MRPL46: variants seen among roughly 807,000 people sequenced by gnomAD.
MRPL46 encodes large ribosomal subunit protein mL46.
Under a neutral mutation model 31.0 loss-of-function variants are expected in MRPL46, and 26 were observed. That is an observed-to-expected ratio of 0.84 (90% confidence interval 0.61 to 1.16). MRPL46 has a LOEUF of 1.16. Ranked by LOEUF, MRPL46 falls within the 50% of genes most tolerant of loss-of-function variation. MRPL46 has a pLI of 0.00. For synonymous variants in MRPL46, 159 were observed against 141.3 expected (o/e 1.13, Z -0.89); for missense variants, 395 against 340.0 (o/e 1.16, Z -1.27).
chr15:88,464,919 G>A, intron 2 of MRPL46, 43 bp from the exon 3 acceptor site: 4 of 1,570,898 alleles, frequency 2.5e-6, no homozygotes, highest in Non-Finnish European at 3.5e-6. Context: ...ACTGTGATCT[G>A]CCAGAACCAA....
intron 3 of MRPL46, chr15:88,462,793 C>T (rs763649140): frequency 3.9e-5 from 6 of 152,234 alleles, no homozygotes; most frequent in African/African-American, 1.4e-4. Context: ...TATACTCTTA[C>T]ATTGCTTGAG....
At chr15:88,460,008 T>TAGG in intron 3 of MRPL46, 145 bp from the exon 4 acceptor site, 1 of 1,015,266 alleles carries the variant, frequency 9.8e-7, no homozygotes, top group African/African-American at 1.6e-5. Context: ...GAGCCATTCC[T>TAGG]GAAAAGAGGC....
chr15:88,466,039 T>C (rs2055527348), intron 1 of MRPL46, among the ~76,000 whole-genome samples: 1 of 152,174 alleles, frequency 6.6e-6, no homozygotes. Flanking sequence ...GAGAGCTGGG[T>C]TGGGCAATGC....
rs1309535898 is a variant in MRPL46, at chr15:88,467,347, C to T, written c.31G>A (p.Gly11Arg). Residue 11 changes from glycine (G) to arginine (R), a missense_variant, in exon 1 of 4, where the codon GGG becomes AGG. By Grantham distance (125) the Gly-to-Arg change is moderately radical (BLOSUM62 -2). Transcript: ENST00000312475. Reference sequence around the variant, plus strand: ...AACCGCCGCCAACCCCCCGCCACCCCTAACAGCGTCCGCCTTACGGGCGCC... The same window carrying T: ...AACCGCCGCCAACCCCCCGCCACCCTTAACAGCGTCCGCCTTACGGGCGCC... MAAPVRRTLLGVAGGWRRFER... is the reference protein window; with the variant it reads MAAPVRRTLLRVAGGWRRFER... The T allele has an allele frequency of 5.6e-6, 9 of 1,596,518 alleles. No homozygotes were observed. The highest frequency in any genetic ancestry group is 1.1e-5 in the South Asian group (1 of 89,108).
At position 88,467,205 on chromosome 15, in the gene MRPL46, A is replaced by C. The variant is rs762357124; in HGVS notation, c.173T>G (p.Val58Gly). Residue 58 changes from valine (V) to glycine (G), a missense_variant, in exon 1 of 4, where the codon GTA becomes GGA. Val to Gly is a moderately radical substitution (Grantham distance 109). Coordinates refer to ENST00000312475, the MANE Select transcript of MRPL46 (RefSeq NM_022163.4). ...LGALCLQRPP[V>G]VSKPLTPLQE... ...CAATGGGGTCAACGGCTTGGAGACT[A>C]CAGGTGGCCGCTGCAGGCACAACGC... is the stretch of plus-strand genomic sequence containing the variant. The C allele has an allele frequency of 6.2e-7, 1 of 1,614,018 alleles. No homozygotes were observed. The highest frequency in any genetic ancestry group is 1.3e-5 in the African/African-American group (1 of 74,944).
At position 88,464,841 on chromosome 15, in the gene MRPL46, T is replaced by C; in HGVS notation, c.451A>G (p.Arg151Gly). The change falls in exon 3 of 4, where the codon AGG becomes GGG. Residue 151 changes from arginine to glycine, a missense_variant. Physicochemically the swap from Arg to Gly is moderately radical, Grantham distance 125 (BLOSUM62 -2). Coordinates refer to ENST00000312475, the MANE Select transcript of MRPL46 (RefSeq NM_022163.4). ...DEKNDRTSLN[R>G]KLDRNLVLLV... Reference sequence around the variant, plus strand: ...AGGACAAGGTTCCTGTCTAGCTTCCTGTTCAGGGATGTTCGGTCATTCTTT... The same window carrying C: ...AGGACAAGGTTCCTGTCTAGCTTCCCGTTCAGGGATGTTCGGTCATTCTTT... 4.3e-6 allele frequency: 7 copies of C among 1,614,018 alleles called. No individual in the cohort carries two copies. The highest frequency in any genetic ancestry group is 5.9e-6 in the Non-Finnish European group (7 of 1,179,992).
chr15:88,460,207 ATGCTGGCGAATCAGCCCAGTCGCTATC>A (rs2055465165), intron 3 of MRPL46: 4 of 242,688 alleles, frequency 1.6e-5, no homozygotes, highest in South Asian at 1.1e-4. Flanking sequence ...CCCAGTCGCT[ATGCTGGCGAATCAGCCCAGTCGCTATC>A]TGCTGGCGAA....
At position 88,459,852 on chromosome 15, in the gene MRPL46, C is replaced by T. The variant is rs2055461322; in HGVS notation, c.601G>A (p.Glu201Lys). Residue 201 changes from glutamate to lysine, a missense_variant, in exon 4 of 4, where the codon GAA becomes AAA. Glu to Lys is a moderately conservative substitution (Grantham distance 56). Transcript: ENST00000312475. ...GGTGCATTTCCTAGGAACTTGGCTTCCATGTTGTTTTCTGAAGAGGGAGGA... is the reference window on the plus strand; with the variant it reads ...GGTGCATTTCCTAGGAACTTGGCTTTCATGTTGTTTTCTGAAGAGGGAGGA... The part of the protein sequence containing the change: ...TLATLSENNM[E>K]AKFLGNAPCG... 1 of 1,614,024 alleles carries T rather than the reference C, an allele frequency of 6.2e-7. No individual in the cohort carries two copies. The highest frequency in any genetic ancestry group is 8.5e-7 in the Non-Finnish European group (1 of 1,179,944).
chr15:88,462,927 C>T (rs931101721), intron 3 of MRPL46: 4 of 152,176 alleles, frequency 2.6e-5, no homozygotes, highest in African/African-American at 9.7e-5. Flanking sequence ...TTTCCTTTTA[C>T]ATTTACTTAT....
At position 88,459,826 on chromosome 15, in the gene MRPL46, G is replaced by A. The variant is rs1441353588; in HGVS notation, c.627C>T (p.Pro209=). The A allele has an allele frequency of 6.2e-7, 1 of 1,614,088 alleles. No individual in the cohort carries two copies. Among genetic ancestry groups the A allele is most frequent in the Non-Finnish European group, 8.5e-7 (1 of 1,180,040 alleles). Reference sequence around the variant, plus strand: ...GGAACTTGAATGTGTAGTGCCCACAGGGTGCATTTCCTAGGAACTTGGCTT... The same window carrying A: ...GGAACTTGAATGTGTAGTGCCCACAAGGTGCATTTCCTAGGAACTTGGCTT... ...NMEAKFLGNA[P]CGHYTFKFPQ... The change falls in exon 4 of 4, where the codon CCC becomes CCT. Residue 209 remains proline (P), a synonymous_variant. Transcript: ENST00000312475.
intron 1 of MRPL46, among the ~76,000 whole-genome samples, chr15:88,466,906 C>T (rs2055543895): frequency 6.6e-6 from 1 of 152,238 alleles, no homozygotes; most frequent in Non-Finnish European, 1.5e-5. Context: ...TTGTTCACCA[C>T]AGGATCCCTA....
At chr15:88,465,825 G>GAA in intron 1 of MRPL46, 52 bp from the exon 2 acceptor site, 50 of 1,304,242 alleles carry the variant, frequency 3.8e-5, no homozygotes, top group South Asian at 1.2e-4. Flanking sequence ...AAATTAAAAG[G>GAA]AAAAAAAAAA....
Position 88,464,812 on chromosome 15 carries a change from T to C in MRPL46, c.480A>G (p.Leu160=), listed in dbSNP as rs1468531861. 1.9e-6 allele frequency: 3 copies of C among 1,614,178 alleles called. No homozygotes were observed. ...NRKLDRNLVL[L]VREKFGDQDV... The stretch of plus-strand genomic sequence containing the variant: ...CCTGGTCTCCAAACTTCTCTCTGAC[T>C]AACAGGACAAGGTTCCTGTCTAGCT... Residue 160 remains leucine, a synonymous_variant, in exon 3 of 4, where the codon TTA becomes TTG. Coordinates refer to ENST00000312475, the MANE Select transcript of MRPL46 (RefSeq NM_022163.4).
chr15:88,459,665 T>G lies in MRPL46; in HGVS notation c.788A>C (p.Tyr263Ser). The G allele has an allele frequency of 1.2e-6, 2 of 1,614,216 alleles. No homozygotes were observed. Among genetic ancestry groups the G allele is most frequent in the South Asian group, 1.1e-5 (1 of 91,080 alleles). ...VWVTKDELGD[Y>S]LKPKYLAQVR... ...TTGGGCCAGGTATTTTGGTTTCAAA[T>G]AGTCACCCAGCTCATCCTTAGTGAC... Residue 263 changes from tyrosine (Y) to serine (S), a missense_variant, in exon 4 of 4, where the codon TAT becomes TCT. By Grantham distance (144) the Tyr-to-Ser change is moderately radical. Transcript: ENST00000312475.
chr15:88,459,712 C>T lies in MRPL46; in HGVS notation c.741G>A (p.Gly247=). Residue 247 remains glycine, a synonymous_variant, in exon 4 of 4, where the codon GGG becomes GGA. Coordinates refer to ENST00000312475, the MANE Select transcript of MRPL46 (RefSeq NM_022163.4). ...LLLTGDFSQA[G]NKGHHVWVTK... ...TGACCCACACATGATGGCCCTTATT[C>T]CCAGCCTGGGAAAAGTCTCCAGTTA... 1 of 1,614,152 alleles carries T rather than the reference C, an allele frequency of 6.2e-7. No homozygotes were observed. Among genetic ancestry groups the T allele is most frequent in the East Asian group, 2.2e-5 (1 of 44,876 alleles).
At chr15:88,462,018 G>A (rs1039727963) in intron 3 of MRPL46, 1 of 152,200 alleles carries the variant, frequency 6.6e-6, no homozygotes, top group African/African-American at 2.4e-5. Context: ...ATCTGTATAT[G>A]CATAGAGAAT....
rs1162300744 is a variant in MRPL46 at position 88,464,824 on chromosome 15, G to A, written c.468C>T (p.Asn156=). Residue 156 remains asparagine (N), a synonymous_variant, in exon 3 of 4, where the codon AAC becomes AAT. Coordinates refer to ENST00000312475, the MANE Select transcript of MRPL46 (RefSeq NM_022163.4). ...ACTTCTCTCTGACTAACAGGACAAG[G>A]TTCCTGTCTAGCTTCCTGTTCAGGG... The part of the protein sequence containing the change: ...RTSLNRKLDR[N]LVLLVREKFG... The A allele has an allele frequency of 6.2e-7, 1 of 1,614,140 alleles. No individual in the cohort carries two copies. The highest frequency in any genetic ancestry group is 8.5e-7 in the Non-Finnish European group (1 of 1,180,014).
rs1167894923 is a variant in MRPL46, at chr15:88,459,575, A to G, written c.*38T>C. The G allele has an allele frequency of 3.7e-6, 6 of 1,611,736 alleles. No homozygotes were observed. Among genetic ancestry groups the G allele is most frequent in the Non-Finnish European group, 5.1e-6 (6 of 1,179,244 alleles). On this transcript the variant is annotated 3_prime_UTR_variant, in exon 4 of 4. Transcript: ENST00000312475. ...ACAATGTCCTTGAGGCTCTAATCCC[A>G]GACTTGTCTGAGCACCGTCCACAGG...
At chr15:88,462,993 C>T (rs2055491048) in intron 3 of MRPL46, 2 of 152,222 alleles carry the variant, frequency 1.3e-5, no homozygotes, top group African/African-American at 4.8e-5. Context: ...CCTTTCCTCA[C>T]TGCAAACAGA....
Sources: gnomAD v4.1 joint callset for allele counts (sites outside exome capture counted in the v4.1 genomes callset) on GRCh38, gnomAD v4.1.1 for gene constraint, MANE v1.5 for transcripts, NCBI Gene and HGNC (gene_info 2026-07-23, HGNC 2026-07-21) for gene names.